The following CEP170 variants were observed in gnomAD, a reference collection of about 807,000 sequenced individuals.
CEP170 encodes the protein centrosomal protein of 170 kDa.
A neutral mutation model predicts 151.9 loss-of-function variants in CEP170; 21 were observed. The observed-to-expected ratio is 0.14, with a 90% CI of 0.10 to 0.20. The LOEUF is 0.20. Ranked by LOEUF, CEP170 falls within the 10% of genes least tolerant of loss-of-function variation. The pLI, the probability that CEP170 is intolerant of heterozygous loss-of-function variation, is 1.00. For missense variants in CEP170, 964 were observed against 1,892.9 expected, an observed-to-expected ratio of 0.51 and a Z score of 9.11; for synonymous variants, 356 against 648.8, an observed-to-expected ratio of 0.55 and a Z score of 6.86.
chr1:243,192,276 T>A (rs1428155969), intron 7 of CEP170, among the ~76,000 whole-genome samples: 1 of 152,104 alleles, frequency 6.6e-6, no homozygotes, highest in Non-Finnish European at 1.5e-5. Flanking sequence ...GAAAGCTGAA[T>A]TGTAAACCTC....
At chr1:243,159,509 C>T (rs561332571) in intron 13 of CEP170, among the ~76,000 whole-genome samples, 1 of 152,266 alleles carries the variant, frequency 6.6e-6, no homozygotes, top group South Asian at 2.1e-4. Flanking sequence ...TTCCCTATCA[C>T]CTGCTAATTA....
chr1:243,128,499 A>C, intron 18 of CEP170, 199 bp from the exon 19 acceptor site: 1 of 531,806 alleles, frequency 1.9e-6, no homozygotes, highest in Non-Finnish European at 3.1e-6. Flanking sequence ...AACTAAAATG[A>C]AATACAATAA....
In CEP170 at chr1:243,185,806, T is replaced by C; in HGVS notation, c.1539A>G (p.Glu513=). The C allele has an allele frequency of 1.1e-5, 18 of 1,594,362 alleles. No individual in the cohort carries two copies. The highest frequency in any genetic ancestry group is 1.5e-5 in the Non-Finnish European group (18 of 1,171,904). ...TIELENPNSE[E]VEARKMIDKV... ...TGTCAATCATTTTTCTTGCTTCCACTTCCTCACTGTTGGGATTCTCTAACT... is the reference window on the plus strand; with the variant it reads ...TGTCAATCATTTTTCTTGCTTCCACCTCCTCACTGTTGGGATTCTCTAACT... The change falls in exon 10 of 20, where the codon GAA becomes GAG. Residue 513 remains glutamate (E), a synonymous_variant. Coordinates refer to ENST00000366542, the MANE Select transcript of CEP170 (RefSeq NM_014812.3). The surrounding 1 kb of genome is among the most constrained non-coding windows in gnomAD (Gnocchi z 4.9).
intron 17 of CEP170, among the ~76,000 whole-genome samples, chr1:243,134,095 T>C (rs2728259): frequency 0.14 from 21,920 of 152,046 alleles, 3,601 homozygotes; most frequent in African/African-American, 0.4. Context: ...GGGCTTCAAG[T>C]GGAAATAGAA....
Position 243,145,027 on chromosome 1 carries a change from A to T in CEP170, c.3912-2564T>A, listed in dbSNP as rs2056301760. 2.0e-5 allele frequency among the ~76,000 whole-genome samples: 3 copies of T among 152,098 alleles called. No individual in the cohort carries two copies. The South Asian group carries it at 6.2e-4, about 32-fold the overall frequency. On this transcript the variant is annotated intron_variant, in intron 14 of 19. Coordinates refer to ENST00000366542, the MANE Select transcript of CEP170 (RefSeq NM_014812.3). ...TAAAGTTTATAATTTTCCTATGTAA[A>T]TTATCTCAGTCATAACACTTTTTTT...
chr1:243,233,741 A>AT (rs1553401679), intron 1 of CEP170, among the ~76,000 whole-genome samples: 4 of 140,434 alleles, frequency 2.8e-5, no homozygotes, highest in African/African-American at 1.1e-4. Context: ...TCAAAAAAAA[A>AT]ATATATATAT....
chr1:243,232,377 C>T (rs1360556496), intron 1 of CEP170, among the ~76,000 whole-genome samples: 1 of 152,126 alleles, frequency 6.6e-6, no homozygotes, highest in East Asian at 1.9e-4. Context: ...TTTAGGAAAT[C>T]TCAAAGAGTA....
intron 1 of CEP170, among the ~76,000 whole-genome samples, chr1:243,237,705 C>A (rs1022333988): frequency 6.6e-6 from 1 of 152,104 alleles, no homozygotes; most frequent in African/African-American, 2.4e-5. Flanking sequence ...GAGTTCGAGA[C>A]CAACCTGGCC....
At chr1:243,173,515 C>A (rs1233634288) in intron 10 of CEP170, among the ~76,000 whole-genome samples, 1 of 151,590 alleles carries the variant, frequency 6.6e-6, no homozygotes, top group East Asian at 2.0e-4. Flanking sequence ...GCGAGCAGAT[C>A]ACTTGAGGTC....
At chr1:243,229,727 A>G (rs2063565799) in intron 1 of CEP170, among the ~76,000 whole-genome samples, 1 of 152,214 alleles carries the variant, frequency 6.6e-6, no homozygotes, top group Admixed American at 6.5e-5. Context: ...CTGAGAAACC[A>G]ATACAAAAGC....
chr1:243,140,117 C>T lies in CEP170; in HGVS notation c.4060-10G>A, dbSNP rs533579095. The stretch of plus-strand genomic sequence containing the variant: ...AAACACGATCAACCAACTAATGGGA[C>T]GAAAGCAAACCTTTATGAGAACACA... On this transcript the variant is annotated splice_polypyrimidine_tract_variant and intron_variant, in intron 15 of 19. Coordinates refer to ENST00000366542, the MANE Select transcript of CEP170 (RefSeq NM_014812.3). 87 of 1,612,120 alleles carry T rather than the reference C, an allele frequency of 5.4e-5. No homozygotes were observed. The highest frequency in any genetic ancestry group is 6.7e-5 in the Non-Finnish European group (79 of 1,178,680).
chr1:243,185,558 ACAGAG>A lies in CEP170; in HGVS notation c.1566+216_1566+220del, dbSNP rs2059889765. Among the ~76,000 whole-genome samples the A allele has an allele frequency of 6.6e-6, 1 of 152,220 alleles. No homozygotes were observed. The highest frequency in any genetic ancestry group is 2.1e-4 in the South Asian group (1 of 4,826). On this transcript the variant is annotated intron_variant, in intron 10 of 19. Transcript: ENST00000366542. This position sits in a 1 kb window ranked among gnomAD's most constrained non-coding sequence, Gnocchi z 4.9. ...TAAAAGGTCCAAACCTTTTAAATGT[ACAGAG>A]CTTTATGTATGAAACTCAGGTAAAT...
chr1:243,183,438 C>T (rs1185715544), intron 10 of CEP170, among the ~76,000 whole-genome samples: 1 of 152,132 alleles, frequency 6.6e-6, no homozygotes, highest in African/African-American at 2.4e-5. Flanking sequence ...CCTGTATCTA[C>T]TCCTATCCTC....
chr1:243,248,946 C>T (rs1294663754), intron 1 of CEP170, among the ~76,000 whole-genome samples: 1 of 152,134 alleles, frequency 6.6e-6, no homozygotes, highest in Non-Finnish European at 1.5e-5. Flanking sequence ...GTAGAATACT[C>T]TCCACTCAGA....
chr1:243,194,213 T>C (rs2060492178), intron 7 of CEP170, among the ~76,000 whole-genome samples: 1 of 151,790 alleles, frequency 6.6e-6, no homozygotes, highest in Non-Finnish European at 1.5e-5. Flanking sequence ...AGCAGACAAA[T>C]GGCCCCAAAA....
Position 243,136,231 on chromosome 1 carries a change from C to A in CEP170, c.4231G>T (p.Val1411Phe), listed in dbSNP as rs1246650379. 4 of 1,525,324 alleles carry A rather than the reference C, an allele frequency of 2.6e-6. No individual in the cohort carries two copies. In the African/African-American group the frequency reaches 5.6e-5, roughly 21 times the overall value. The allele number at this position is 1,525,324 out of a possible 1,614,324, so 94.5% of individuals were successfully genotyped here. Residue 1411 changes from valine (V) to phenylalanine (F), a missense_variant and splice_region_variant, in exon 17 of 20, where the codon GTC becomes TTC. Transcript: ENST00000366542. ...GACAGCAGCAGATTATCTCCCATGACCTGAAACAGCCAAAGAAAAAAGTAG... is the reference window on the plus strand; with the variant it reads ...GACAGCAGCAGATTATCTCCCATGAACTGAAACAGCCAAAGAAAAAAGTAG... Reference protein sequence around the residue: ...TRRRTWSRDEVMGDNLLLSSV... With the variant: ...TRRRTWSRDEFMGDNLLLSSV...
chr1:243,128,572 AT>A (rs975619855), intron 18 of CEP170: 12,094 of 275,746 alleles, frequency 0.044, no homozygotes, highest in South Asian at 0.084. Flanking sequence ...TTAAGCAAAG[AT>A]TTTTTTTTTT....
At chr1:243,199,740 A>G (rs928560599) in intron 6 of CEP170, among the ~76,000 whole-genome samples, 5 of 151,322 alleles carry the variant, frequency 3.3e-5, no homozygotes, top group Non-Finnish European at 5.9e-5. Flanking sequence ...GTTTGAGCAA[A>G]TGTAGTAATG....
intron 1 of CEP170, among the ~76,000 whole-genome samples, chr1:243,234,574 T>C (rs2064092061): frequency 6.6e-6 from 1 of 152,206 alleles, no homozygotes; most frequent in South Asian, 2.1e-4. Context: ...TCTGTAATTA[T>C]GCCATGTCTT....
Sources: gnomAD v4.1 joint callset for allele counts (sites outside exome capture counted in the v4.1 genomes callset) on GRCh38, gnomAD v4.1.1 for gene constraint, Gnocchi (gnomAD v3.1) non-coding constraint, MANE v1.5 for transcripts, NCBI Gene and HGNC (gene_info 2026-07-23, HGNC 2026-07-21) for gene names.